CNTN5: variants seen among roughly 807,000 people sequenced by gnomAD.
The protein encoded by CNTN5 is contactin 5, also known as contactin-5.
A neutral mutation model predicts 129.1 loss-of-function variants in CNTN5; 77 were observed. The ratio of observed to expected loss-of-function variants is 0.60; its 90% confidence interval spans 0.50 to 0.72. CNTN5 has a LOEUF of 0.72. CNTN5 is among the 30% of genes least tolerant of loss of function. The probability of loss-of-function intolerance (pLI) is 0.00; values close to 1 mark genes in which losing one functional copy is unlikely to be tolerated. For missense variants in CNTN5, 1,478 were observed against 1,328.8 expected (o/e 1.11, Z -1.75); for synonymous variants, 509 against 465.6 (o/e 1.09, Z -1.20).
At chr11:99,833,351 T>G (rs1354801277) in intron 4 of CNTN5, among the ~76,000 whole-genome samples, 1 of 152,152 alleles carries the variant, frequency 6.6e-6, no homozygotes, top group African/African-American at 2.4e-5. Flanking sequence ...GATTTAGAAT[T>G]TTTTAACTTT....
chr11:99,387,573 A>G (rs796946263), intron 2 of CNTN5, among the ~76,000 whole-genome samples: 6 of 152,278 alleles, frequency 3.9e-5, no homozygotes, highest in African/African-American at 1.2e-4. Flanking sequence ...TCAGCTATCA[A>G]CCTGACACCT....
At chr11:99,831,178 A>G (rs546515772) in intron 4 of CNTN5, among the ~76,000 whole-genome samples, 5 of 152,260 alleles carry the variant, frequency 3.3e-5, no homozygotes, top group African/African-American at 7.2e-5. Flanking sequence ...CAAAATAGGA[A>G]CCCACACATT....
intron 2 of CNTN5, among the ~76,000 whole-genome samples, chr11:99,542,980 C>T (rs1204485987): frequency 1.3e-5 from 2 of 152,214 alleles, no homozygotes; most frequent in African/African-American, 4.8e-5. Flanking sequence ...GCCATAGGTC[C>T]TCCTTTTCAG....
At chr11:100,161,701 A>G (rs193111902) in intron 13 of CNTN5, among the ~76,000 whole-genome samples, 147 of 151,842 alleles carry the variant, frequency 9.7e-4, no homozygotes, top group African/African-American at 3.3e-3. Flanking sequence ...TGATGTAAAT[A>G]AAATTTTTAT....
chr11:99,239,079 T>C (rs776722876), intron 1 of CNTN5, among the ~76,000 whole-genome samples: 3 of 152,148 alleles, frequency 2.0e-5, no homozygotes, highest in Non-Finnish European at 4.4e-5. Flanking sequence ...TCATTCATTG[T>C]AAACAGTACT....
At chr11:100,230,924 C>G (rs796716920) in intron 16 of CNTN5, among the ~76,000 whole-genome samples, 2 of 152,318 alleles carry the variant, frequency 1.3e-5, no homozygotes, top group African/African-American at 4.8e-5. Context: ...TTTTGTCCCA[C>G]AGACTTAACC....
Position 99,099,856 on chromosome 11 carries a change from A to G in CNTN5, c.-210+78586A>G, listed in dbSNP as rs1482985030. Among the ~76,000 whole-genome samples, 6 of 152,298 alleles carry G rather than the reference A, an allele frequency of 3.9e-5. 1 individual carries two copies. In the South Asian group the frequency reaches 8.3e-4, roughly 21 times the overall value. On this transcript the variant is annotated intron_variant, in intron 1 of 24. Transcript: ENST00000524871. ...AACATTAGCTGTTATCATTGCTGCT[A>G]TTATTTCTGTATTCAAAGTGGGTTG...
rs925382366 is a variant in CNTN5 at position 100,055,591 on chromosome 11, C to T, written c.981-5621C>T. Among the ~76,000 whole-genome samples, 28 of 151,544 alleles carry T rather than the reference C, an allele frequency of 1.8e-4. No individual in the cohort carries two copies. In the South Asian group the frequency reaches 3.9e-3, roughly 21 times the overall value. ...TTATAGGTGCTTTTACTCTCTTTTCCGCTATATTGAACATAATTGTTCCAA... is the reference window on the plus strand; with the variant it reads ...TTATAGGTGCTTTTACTCTCTTTTCTGCTATATTGAACATAATTGTTCCAA... On this transcript the variant is annotated intron_variant, in intron 9 of 24. Transcript: ENST00000524871.
intron 7 of CNTN5, among the ~76,000 whole-genome samples, chr11:99,918,365 CA>C (rs923149994): frequency 6.6e-6 from 1 of 151,930 alleles, no homozygotes; most frequent in Non-Finnish European, 1.5e-5. Context: ...AACAAATGAA[CA>C]AAAAACCAGT....
intron 1 of CNTN5, among the ~76,000 whole-genome samples, chr11:99,091,041 A>AAAAAC (rs1866228936): frequency 6.6e-6 from 1 of 151,322 alleles, no homozygotes; most frequent in South Asian, 2.1e-4. Context: ...AAAAAAAAAA[A>AAAAAC]AAAGCCTTAT....
intron 1 of CNTN5, among the ~76,000 whole-genome samples, chr11:99,176,945 T>C (rs1246256112): frequency 6.6e-6 from 1 of 152,198 alleles, no homozygotes; most frequent in Non-Finnish European, 1.5e-5. Flanking sequence ...CCCTTGTTTT[T>C]ACCTTGACCA....
chr11:99,240,251 T>G (rs778052006), intron 1 of CNTN5, among the ~76,000 whole-genome samples: 2 of 152,066 alleles, frequency 1.3e-5, no homozygotes, highest in Non-Finnish European at 2.9e-5. Context: ...CCTAAAAGTG[T>G]GGGGACGAAA....
At chr11:100,080,035 A>G (rs1056479698) in intron 13 of CNTN5, among the ~76,000 whole-genome samples, 3 of 152,190 alleles carry the variant, frequency 2.0e-5, no homozygotes, top group African/African-American at 7.2e-5. Flanking sequence ...TGAAGAATAC[A>G]TAGTTTTTGA....
chr11:99,911,886 C>T (rs1040672079), intron 6 of CNTN5, among the ~76,000 whole-genome samples: 1 of 151,840 alleles, frequency 6.6e-6, no homozygotes, highest in Non-Finnish European at 1.5e-5. Context: ...TGTTTTGGCT[C>T]CTCTTAAGTT....
At chr11:100,157,210 A>T (rs535952629) in intron 13 of CNTN5, among the ~76,000 whole-genome samples, 1 of 152,088 alleles carries the variant, frequency 6.6e-6, no homozygotes, top group Non-Finnish European at 1.5e-5. Flanking sequence ...AATGAAGTAT[A>T]AACATTGAAA....
intron 7 of CNTN5, among the ~76,000 whole-genome samples, chr11:99,930,800 C>CACACACACAG (rs1950174839): frequency 6.6e-6 from 1 of 151,390 alleles, no homozygotes; most frequent in South Asian, 2.1e-4. Context: ...CACACAAACA[C>CACACACACAG]ACACACACAC....
At chr11:99,571,495 T>C (rs772097599) in intron 3 of CNTN5, among the ~76,000 whole-genome samples, 2 of 152,188 alleles carry the variant, frequency 1.3e-5, no homozygotes, top group Non-Finnish European at 2.9e-5. Context: ...CTTTAAACTC[T>C]GTTGTAACAG....
intron 1 of CNTN5, among the ~76,000 whole-genome samples, chr11:99,034,425 T>G (rs1164317872): frequency 6.6e-6 from 1 of 151,750 alleles, no homozygotes; most frequent in Non-Finnish European, 1.5e-5. Flanking sequence ...GGTAAGCTAT[T>G]GATTATTGCC....
intron 3 of CNTN5, among the ~76,000 whole-genome samples, chr11:99,649,841 A>G (rs904722891): frequency 2.6e-5 from 4 of 151,738 alleles, no homozygotes; most frequent in African/African-American, 9.7e-5. Flanking sequence ...AGTATTGCCA[A>G]TACTTTATGT....
Sources: allele counts gnomAD v4.1 joint callset (sites outside exome capture counted in the v4.1 genomes callset), GRCh38; gene constraint gnomAD v4.1.1; transcripts MANE v1.5; gene names NCBI Gene and HGNC (gene_info 2026-07-23, HGNC 2026-07-21).